GALNT16: variants seen among roughly 807,000 people sequenced by gnomAD.
GALNT16 encodes polypeptide N-acetylgalactosaminyltransferase 16.
Under a neutral mutation model 76.1 loss-of-function variants are expected in GALNT16, and 40 were observed. The ratio of observed to expected loss-of-function variants is 0.53; its 90% CI spans 0.41 to 0.68. The LOEUF (loss-of-function observed/expected upper bound fraction) is 0.68, where lower values mean the gene tolerates loss of function less well. Ranked by LOEUF, GALNT16 falls within the 30% of genes least tolerant of loss-of-function variation. GALNT16 has a pLI of 0.00. For missense variants in GALNT16, 621 were observed against 731.9 expected (o/e 0.85, Z 1.75); for synonymous variants, 276 against 285.2 (o/e 0.97, Z 0.32).
rs539182338 is a variant in GALNT16 at position 69,261,131 on chromosome 14, G to T, written c.177+664G>T. ...CCACGGGTAGGTGGGCAGTGTCAGC[G>T]CCCGAACTTGGCGATACCCTTGCAT... On this transcript the variant is annotated intron_variant, in intron 1 of 14. Coordinates refer to ENST00000448469, the MANE Select transcript of GALNT16 (RefSeq NM_001168368.2). This position sits in a 1 kb window ranked among gnomAD's most constrained non-coding sequence, Gnocchi z 6.4. Among the ~76,000 whole-genome samples, 1 of 152,292 alleles carries T rather than the reference G, an allele frequency of 6.6e-6. No homozygotes were observed. Among genetic ancestry groups the T allele is most frequent in the East Asian group, 1.9e-4 (1 of 5,172 alleles).
rs2044278422 is a variant in GALNT16 at position 69,261,839 on chromosome 14, C to A, written c.177+1372C>A. 6.6e-6 allele frequency among the ~76,000 whole-genome samples: 1 copy of A among 152,154 alleles called. No individual in the cohort carries two copies. Among genetic ancestry groups the A allele is most frequent in the East Asian group, 1.9e-4 (1 of 5,188 alleles). On this transcript the variant is annotated intron_variant, in intron 1 of 14. Transcript: ENST00000448469. The surrounding 1 kb of genome is among the most constrained non-coding windows in gnomAD (Gnocchi z 6.4). ...AGGTTGTGGGTTTTGTCCTAGATAC[C>A]AGTCTGGGTGAACTCTCTGGGGGCA...
intron 1 of GALNT16, among the ~76,000 whole-genome samples, chr14:69,296,727 AT>A (rs2044765834): frequency 1.3e-5 from 1 of 74,698 alleles, no homozygotes. Flanking sequence ...GGACAGATAG[AT>A]GATAGATAGA....
the GALNT16 span, among the ~76,000 whole-genome samples, chr14:69,383,791 T>A: frequency 6.6e-6 from 1 of 152,210 alleles, no homozygotes; most frequent in African/African-American, 2.4e-5. Flanking sequence ...GTTGCTTTAA[T>A]ATAGCAAATA....
downstream of GALNT16, among the ~76,000 whole-genome samples, chr14:69,360,521 G>C (rs2045717833): frequency 6.6e-6 from 1 of 151,836 alleles, no homozygotes; most frequent in Admixed American, 6.6e-5. Context: ...CCAGCTATCT[G>C]GGAGGCCGAG....
the GALNT16 span, among the ~76,000 whole-genome samples, chr14:69,367,311 T>C: frequency 3.3e-5 from 5 of 151,924 alleles, no homozygotes; most frequent in African/African-American, 1.2e-4. Context: ...AGTGATGGTA[T>C]TAGAAAGTGG....
At chr14:69,301,937 C>T (rs951887530) in intron 1 of GALNT16, among the ~76,000 whole-genome samples, 19 of 152,204 alleles carry the variant, frequency 1.2e-4, no homozygotes, top group Admixed American at 2.6e-4. Flanking sequence ...TGCAGTGAGC[C>T]GAGATGGCGC....
rs563049845 is a variant in GALNT16, at chr14:69,286,216, A to G, written c.177+25749A>G. Among the ~76,000 whole-genome samples, 43 of 152,168 alleles carry G rather than the reference A, an allele frequency of 2.8e-4. No homozygotes were observed. The South Asian group carries it at 8.9e-3, about 32-fold the overall frequency. ...CCTGTAAGAAGGGATAGATGAGGGA[A>G]CTTTCTGGAATGATATTACTGCTCT... On this transcript the variant is annotated intron_variant, in intron 1 of 14. Transcript: ENST00000448469.
intron 1 of GALNT16, among the ~76,000 whole-genome samples, chr14:69,314,524 C>G (rs2045072981): frequency 6.6e-6 from 1 of 152,222 alleles, no homozygotes; most frequent in South Asian, 2.1e-4. Context: ...AGGTTCCTGG[C>G]CCTGTGCAAC....
chr14:69,335,678 C>G (rs2045406997), intron 9 of GALNT16, among the ~76,000 whole-genome samples: 1 of 152,268 alleles, frequency 6.6e-6, no homozygotes, highest in African/African-American at 2.4e-5. Flanking sequence ...AGAAGAAATT[C>G]AAAGAAATGT....
intron 1 of GALNT16, among the ~76,000 whole-genome samples, chr14:69,297,893 G>A (rs745364488): frequency 4.6e-5 from 7 of 152,162 alleles, no homozygotes; most frequent in Non-Finnish European, 1.0e-4. Flanking sequence ...CCAGCATTGT[G>A]TCTTACATAC....
At chr14:69,314,122 G>A (rs139862444) in intron 1 of GALNT16, among the ~76,000 whole-genome samples, 39 of 152,342 alleles carry the variant, frequency 2.6e-4, no homozygotes, top group African/African-American at 7.7e-4. Context: ...ATCTTCCCAC[G>A]TGATTCTAAT....
the GALNT16 span, chr14:69,380,664 A>G: frequency 2.9e-6 from 4 of 1,392,578 alleles, no homozygotes; most frequent in Non-Finnish European, 3.1e-6. Context: ...GGGAATAAGC[A>G]AAGTCACAGT....
chr14:69,348,112 G>A (rs1425615542), intron 14 of GALNT16, 110 bp downstream of exon 14: 1 of 1,138,604 alleles, frequency 8.8e-7, no homozygotes, highest in Non-Finnish European at 1.3e-6. Context: ...GCCCTTCAGA[G>A]CGAGGATCTG....
chr14:69,367,665 A>G, the GALNT16 span, among the ~76,000 whole-genome samples: 1 of 151,070 alleles, frequency 6.6e-6, no homozygotes, highest in African/African-American at 2.4e-5. Flanking sequence ...AAAAAGAAAA[A>G]GAAAAAAGAA....
chr14:69,371,092 A>G, the GALNT16 span, among the ~76,000 whole-genome samples: 1 of 152,192 alleles, frequency 6.6e-6, no homozygotes, highest in Non-Finnish European at 1.5e-5. Context: ...AGGATAGCCT[A>G]TTAGAGAATC....
At position 69,283,347 on chromosome 14, in the gene GALNT16, A is replaced by G. The variant is rs1159061489; in HGVS notation, c.177+22880A>G. 2.6e-5 allele frequency among the ~76,000 whole-genome samples: 4 copies of G among 152,146 alleles called. No homozygotes were observed. In the East Asian group the frequency reaches 7.7e-4, roughly 29 times the overall value. ...CTGGCACTTGGTGGGCACACAGTAA[A>G]TGTTGCCTGAATCGGAGGGAGGCTG... On this transcript the variant is annotated intron_variant, in intron 1 of 14. Coordinates refer to ENST00000448469, the MANE Select transcript of GALNT16 (RefSeq NM_001168368.2).
At chr14:69,368,829 A>C in the GALNT16 span, among the ~76,000 whole-genome samples, 1 of 152,196 alleles carries the variant, frequency 6.6e-6, no homozygotes, top group African/African-American at 2.4e-5. Flanking sequence ...AAAGTGGTAA[A>C]ACTCGAAGAC....
At chr14:69,297,631 C>A (rs199688562) in intron 1 of GALNT16, among the ~76,000 whole-genome samples, 53 of 144,374 alleles carry the variant, frequency 3.7e-4, no homozygotes, top group South Asian at 4.3e-4. Flanking sequence ...TTGGAAAAGC[C>A]AAAAAAAAAA....
At chr14:69,300,374 A>G (rs1392854915) in intron 1 of GALNT16, among the ~76,000 whole-genome samples, 2 of 151,708 alleles carry the variant, frequency 1.3e-5, no homozygotes, top group African/African-American at 4.8e-5. Context: ...GGGTGATGCC[A>G]CTCCTGCCCT....
Sources: gnomAD v4.1 joint callset for allele counts (sites outside exome capture counted in the v4.1 genomes callset) on GRCh38, gnomAD v4.1.1 for gene constraint, Gnocchi (gnomAD v3.1) non-coding constraint, MANE v1.5 for transcripts, NCBI Gene and HGNC (gene_info 2026-07-23, HGNC 2026-07-21) for gene names.